Variants in AHNAK2 observed in about 807,000 individuals in gnomAD.
AHNAK2 encodes AHNAK nucleoprotein 2, also known as protein AHNAK2.
In AHNAK2, 18 loss-of-function variants were observed where a neutral mutation model predicts 30.7. The observed-to-expected ratio is 0.59, with a 90% CI of 0.41 to 0.87. The LOEUF (loss-of-function observed/expected upper bound fraction) is 0.87, where lower values mean the gene tolerates loss of function less well. Ranked by LOEUF, AHNAK2 falls within the 40% of genes least tolerant of loss-of-function variation. The pLI, the probability that AHNAK2 is intolerant of heterozygous loss-of-function variation, is 0.00. For synonymous variants in AHNAK2, 3,590 were observed against 3,073.8 expected, an observed-to-expected ratio of 1.17 and a Z score of -5.56; for missense variants, 8,604 against 7,373.0, an observed-to-expected ratio of 1.17 and a Z score of -6.11.
Position 104,938,592 on chromosome 14 carries a change from T to G in AHNAK2, c.16859A>C (p.Gln5620Pro), listed in dbSNP as rs372736452. Residue 5620 changes from glutamine to proline, a missense_variant, in exon 7 of 7, where the codon CAA becomes CCA. Gln to Pro is a moderately conservative substitution (Grantham distance 76). Coordinates refer to ENST00000333244, the MANE Select transcript of AHNAK2 (RefSeq NM_138420.4). ...ATCTGCCAGTGGTGTGGTTGCCTCT[T>G]GGCTATCATCAGGGGGAAACTCAAG... ...EILEFPPDDSQEATTPLADEG... is the reference protein window; with the variant it reads ...EILEFPPDDSPEATTPLADEG... 40 of 1,613,200 alleles carry G rather than the reference T, an allele frequency of 2.5e-5. No homozygotes were observed. Among genetic ancestry groups the G allele is most frequent in the Middle Eastern group, 1.6e-4 (1 of 6,082 alleles).
In AHNAK2 at chr14:104,957,524, C is replaced by T; in HGVS notation, c.115-16G>A. The T allele has an allele frequency of 3.1e-6, 5 of 1,594,330 alleles. No homozygotes were observed. The highest frequency in any genetic ancestry group is 4.3e-6 in the Non-Finnish European group (5 of 1,169,820). On this transcript the variant is annotated splice_polypyrimidine_tract_variant and intron_variant, in intron 2 of 6. Coordinates refer to ENST00000333244, the MANE Select transcript of AHNAK2 (RefSeq NM_138420.4). ...CTTCAGTCACCTGACGGGAGAGAAT[C>T]CAGTTATTTTTGCCACTCGGTTCTC...
In AHNAK2 at chr14:104,948,317, C is replaced by A. The variant is rs185948988; in HGVS notation, c.7134G>T (p.Gln2378His). 11 of 1,612,778 alleles carry A rather than the reference C, an allele frequency of 6.8e-6. No individual in the cohort carries two copies. The Admixed American group carries it at 1.5e-4, about 22-fold the overall frequency. The change falls in exon 7 of 7, where the codon CAG becomes CAT. Residue 2378 changes from glutamine (Q) to histidine (H), a missense_variant. Coordinates refer to ENST00000333244, the MANE Select transcript of AHNAK2 (RefSeq NM_138420.4). ...VQPPSADLEV[Q>H]AGQVDVKLPE... is the part of the protein sequence containing the mutation. ...GGAGTTTCACATCCACTTGGCCAGC[C>A]TGGACCTCCAGGTCAGCGGAAGGGG...
Position 104,940,930 on chromosome 14 carries a change from G to C in AHNAK2, c.14521C>G (p.Gln4841Glu), listed in dbSNP as rs750347339. 5.0e-6 allele frequency: 8 copies of C among 1,612,572 alleles called. No individual in the cohort carries two copies. Among genetic ancestry groups the C allele is most frequent in the South Asian group, 3.3e-5 (3 of 91,006 alleles). ...LQPPEGVPTS[Q>E]AESHSGPLNS... is the part of the protein sequence containing the mutation. ...AGTGGGCCAGAGTGACTCTCAGCTT[G>C]AGATGTTGGAACTCCCTCTGGAGGC... The change falls in exon 7 of 7, where the codon CAA becomes GAA. Residue 4841 changes from glutamine to glutamate, a missense_variant. Gln to Glu is a conservative substitution (Grantham distance 29). Transcript: ENST00000333244. The surrounding 1 kb of genome is among the most constrained non-coding windows in gnomAD (Gnocchi z 4.4).
Position 104,938,945 on chromosome 14 carries a change from C to T in AHNAK2, c.16506G>A (p.Arg5502=), listed in dbSNP as rs771202267. 4 of 1,613,258 alleles carry T rather than the reference C, an allele frequency of 2.5e-6. No individual in the cohort carries two copies. In the African/African-American group the frequency reaches 4.0e-5, roughly 16 times the overall value. ...TCTCTGACGTGGGGATCTCTGATTC[C>T]CGCACAATCTGAGTGGAAAAAGTCC... ...VPRTFSTQIV[R]ESEIPTSEIQ... Residue 5502 remains arginine (R), a synonymous_variant, in exon 7 of 7, where the codon CGG becomes CGA. Transcript: ENST00000333244.
rs199609792 is a variant in AHNAK2, at chr14:104,949,833, A to C, written c.5618T>G (p.Ile1873Ser). Reference protein sequence around the residue: ...QGDLKTTDLCIPLPSADLVVQ... With the variant: ...QGDLKTTDLCSPLPSADLVVQ... ...CACCAGGTCTGCAGAAGGGAGCGGA[A>C]TGCAGAGGTCCGTGGTCTTGAGGTC... Residue 1873 changes from isoleucine (I) to serine (S), a missense_variant, in exon 7 of 7, where the codon ATT becomes AGT. Ile to Ser is a moderately radical substitution (Grantham distance 142). Coordinates refer to ENST00000333244, the MANE Select transcript of AHNAK2 (RefSeq NM_138420.4). 1 of 1,586,920 alleles carries C rather than the reference A, an allele frequency of 6.3e-7. No homozygotes were observed. The highest frequency in any genetic ancestry group is 8.6e-7 in the Non-Finnish European group (1 of 1,162,898).
chr14:104,960,557 T>C (rs1313864481), intron 1 of AHNAK2, among the ~76,000 whole-genome samples: 1 of 152,192 alleles, frequency 6.6e-6, no homozygotes, highest in Non-Finnish European at 1.5e-5. Flanking sequence ...CAATCCCTCA[T>C]GGATGCTGAG....
rs538212935 is a variant in AHNAK2 at position 104,951,662 on chromosome 14, G to C, written c.3789C>G (p.Gly1263=). The change falls in exon 7 of 7, where the codon GGC becomes GGG. Residue 1263 remains glycine, a synonymous_variant. Transcript: ENST00000333244. ...TGGGGCCCCTGACTTCCACCTGGGG[G>C]CCCTTGAGGTCCACTTTGGGCATCT... The part of the protein sequence containing the change: ...SLKMPKVDLK[G]PQVEVRGPKL... 32 of 1,246,194 alleles carry C rather than the reference G, an allele frequency of 2.6e-5. 10 individuals carry two copies. The highest frequency in any genetic ancestry group is 3.7e-5 in the Admixed American group (2 of 53,566). 77.2% of individuals were successfully genotyped at this position (1,246,194 alleles called of 1,614,324 possible). A position where few individuals can be genotyped will look rare whatever the true frequency, so the allele number is the denominator to read the frequency against.
rs1056553985 is a variant in AHNAK2 at position 104,978,192 on chromosome 14, G to C, written c.46C>G (p.Pro16Ala). The C allele has an allele frequency of 1.9e-5, 23 of 1,215,558 alleles. No homozygotes were observed. Among genetic ancestry groups the C allele is most frequent in the Non-Finnish European group, 2.1e-5 (21 of 976,852 alleles). The allele number at this position is 1,215,558 out of a possible 1,614,324, so 75.3% of individuals were successfully genotyped here. A position where few individuals can be genotyped will look rare whatever the true frequency, so the allele number is the denominator to read the frequency against. ...GCGGGGAGGGGCGCACCGCTGCCGG[G>C]GGTTCCGGGCCAGGTGGGCAGCACC... ...HMVLPTWPGT[P>A]GSVSGRQLQP... is the part of the protein sequence containing the mutation. Residue 16 changes from proline (P) to alanine (A), a missense_variant, in exon 1 of 7, where the codon CCC becomes GCC. Transcript: ENST00000333244.
At chr14:104,956,539 C>A in intron 4 of AHNAK2, 49 bp downstream of exon 4, 2 of 1,590,108 alleles carry the variant, frequency 1.3e-6, no homozygotes, top group East Asian at 2.2e-5. Context: ...TGGCTGGATC[C>A]CTTGAGGACC....
Position 104,948,017 on chromosome 14 carries a change from G to C in AHNAK2, c.7434C>G (p.Thr2478=). ...TGGGAATTTTGAACCTGCTGTCTTT[G>C]GTAGTCACATCCTTGTCCGCCACAG... The part of the protein sequence containing the change: ...DLSVADKDVT[T]KDSRFKIPKF... Residue 2478 remains threonine, a synonymous_variant, in exon 7 of 7, where the codon ACC becomes ACG. Coordinates refer to ENST00000333244, the MANE Select transcript of AHNAK2 (RefSeq NM_138420.4). 1 of 1,612,456 alleles carries C rather than the reference G, an allele frequency of 6.2e-7. No homozygotes were observed. The highest frequency in any genetic ancestry group is 1.1e-5 in the South Asian group (1 of 91,046).
intron 1 of AHNAK2, among the ~76,000 whole-genome samples, chr14:104,972,097 G>T (rs563867016): frequency 6.6e-6 from 1 of 152,232 alleles, no homozygotes; most frequent in African/African-American, 2.4e-5. Flanking sequence ...GGAAGGCTCT[G>T]TCCCAGCCCC....
rs754902617 is a variant in AHNAK2 at position 104,948,696 on chromosome 14, T to C, written c.6755A>G (p.Lys2252Arg). Residue 2252 changes from lysine to arginine, a missense_variant, in exon 7 of 7, where the codon AAG becomes AGG. Physicochemically the swap from Lys to Arg is conservative, Grantham distance 26 (BLOSUM62 2). Coordinates refer to ENST00000333244, the MANE Select transcript of AHNAK2 (RefSeq NM_138420.4). Reference sequence around the variant, plus strand: ...GCCCTTGATGTCTATTTCGGGGCCCTTGAGGTCCACTTTGGGCACCTTGAA... The same window carrying C: ...GCCCTTGATGTCTATTTCGGGGCCCCTGAGGTCCACTTTGGGCACCTTGAA... ...PSFKVPKVDL[K>R]GPEIDIKGPK... 19 of 1,609,796 alleles carry C rather than the reference T, an allele frequency of 1.2e-5. No homozygotes were observed. The highest frequency in any genetic ancestry group is 4.1e-5 in the African/African-American group (3 of 73,626).
chr14:104,963,787 G>A (rs540683020), intron 1 of AHNAK2, among the ~76,000 whole-genome samples: 20 of 147,472 alleles, frequency 1.4e-4, no homozygotes, highest in South Asian at 1.1e-3. Context: ...CTGAGATTGC[G>A]CCACTGCACT....
chr14:104,937,985 G>A lies in AHNAK2; in HGVS notation c.*78C>T, dbSNP rs1897855734. 2 of 1,447,152 alleles carry A rather than the reference G, an allele frequency of 1.4e-6. No individual in the cohort carries two copies. Among genetic ancestry groups the A allele is most frequent in the Non-Finnish European group, 9.4e-7 (1 of 1,063,200 alleles). 89.6% of individuals were successfully genotyped at this position (1,447,152 alleles called of 1,614,324 possible). Reference sequence around the variant, plus strand: ...GTGGATGTAATGTGCTGTGGGATGGGGTGCTCCATATGTGTGTGTAGCCTT... The same window carrying A: ...GTGGATGTAATGTGCTGTGGGATGGAGTGCTCCATATGTGTGTGTAGCCTT... On this transcript the variant is annotated 3_prime_UTR_variant, in exon 7 of 7. Transcript: ENST00000333244.
Position 104,946,087 on chromosome 14 carries a change from C to G in AHNAK2, c.9364G>C (p.Gly3122Arg). ...GACAGGTCCCCCTCCAGCCGTGCAC[C>G]ATCCAACTTGGCTCCTGGGGCCTCG... ...DVEAPGAKLD[G>R]ARLEGDLSLA... The change falls in exon 7 of 7, where the codon GGT (glycine) becomes CGT (arginine). Residue 3122 changes from glycine to arginine, a missense_variant. Physicochemically the swap from Gly to Arg is moderately radical, Grantham distance 125 (BLOSUM62 -2). Transcript: ENST00000333244. 6.2e-7 allele frequency: 1 copy of G among 1,610,606 alleles called. No individual in the cohort carries two copies. The highest frequency in any genetic ancestry group is 8.5e-7 in the Non-Finnish European group (1 of 1,178,866).
Position 104,955,593 on chromosome 14 carries a change from A to C in AHNAK2, c.356T>G (p.Val119Gly), listed in dbSNP as rs1595424340. ...ACTGTAGCCACTGGCTCCTGCCTCC[A>C]CCTCTGTCTTCAGCGTCACCTCTGT... ...EATEVTLKTE[V>G]EAGASGYSVT... The change falls in exon 5 of 7, where the codon GTG (valine) becomes GGG (glycine). Residue 119 changes from valine (V) to glycine (G), a missense_variant. Transcript: ENST00000333244. 6.2e-7 allele frequency: 1 copy of C among 1,613,420 alleles called. No individual in the cohort carries two copies. Among genetic ancestry groups the C allele is most frequent in the Non-Finnish European group, 8.5e-7 (1 of 1,179,736 alleles).
In AHNAK2 at chr14:104,950,185, G is replaced by T. The variant is rs1346261113; in HGVS notation, c.5266C>A (p.Leu1756Ile). 1.3e-6 allele frequency: 2 copies of T among 1,585,880 alleles called. No homozygotes were observed. Among genetic ancestry groups the T allele is most frequent in the African/African-American group, 1.4e-5 (1 of 72,000 alleles). Residue 1756 changes from leucine to isoleucine, a missense_variant, in exon 7 of 7, where the codon CTC (leucine) becomes ATC (isoleucine). By Grantham distance (5) the Leu-to-Ile change is conservative. Transcript: ENST00000333244. ...TTGACGTCCATCTGGGGGCCCTTGAGGGCCACTTTGGGCATCTTCAAACTG... is the reference window on the plus strand; with the variant it reads ...TTGACGTCCATCTGGGGGCCCTTGATGGCCACTTTGGGCATCTTCAAACTG... ...MPSLKMPKVA[L>I]KGPQMDVKGP...
chr14:104,977,235 C>T (rs1459192652), intron 1 of AHNAK2, among the ~76,000 whole-genome samples: 1 of 151,954 alleles, frequency 6.6e-6, no homozygotes, highest in African/African-American at 2.4e-5. Context: ...GCCAGCCCAA[C>T]CCCCTGGCCA....
rs1165649551 is a variant in AHNAK2 at position 104,950,790 on chromosome 14, G to T, written c.4661C>A (p.Ala1554Asp). 1.2e-5 allele frequency: 19 copies of T among 1,587,018 alleles called. 2 individuals are homozygous for T. The African/African-American group carries it at 1.9e-4, about 16-fold the overall frequency. ...QPPSADLEVQ[A>D]GQVDVKLPEG... The stretch of plus-strand genomic sequence containing the variant: ...TGGGAGTTTCACGTCCACTTGGCCA[G>T]CCTGGACCTCCAGGTCAGCAGAAGG... The change falls in exon 7 of 7, where the codon GCT (alanine) becomes GAT (aspartate). Residue 1554 changes from alanine to aspartate, a missense_variant. Transcript: ENST00000333244.
Sources: allele counts gnomAD v4.1 joint callset (sites outside exome capture counted in the v4.1 genomes callset), GRCh38; gene constraint gnomAD v4.1.1; non-coding constraint Gnocchi (gnomAD v3.1); transcripts MANE v1.5; gene names NCBI Gene and HGNC (gene_info 2026-07-23, HGNC 2026-07-21).